Variants in KLF7 observed in about 807,000 individuals in gnomAD.
The protein encoded by KLF7 is KLF transcription factor 7, also known as Krueppel-like factor 7.
Under a neutral mutation model 27.3 loss-of-function variants are expected in KLF7, and 2 were observed. The ratio of observed to expected loss-of-function variants is 0.07; its 90% CI spans 0.03 to 0.23. KLF7 has a LOEUF of 0.23. Among genes scored for constraint, KLF7 ranks in the 10% least tolerant of loss-of-function variants. The probability of loss-of-function intolerance (pLI) is 1.00; values close to 1 mark genes in which losing one functional copy is unlikely to be tolerated. For missense variants in KLF7, 221 were observed against 394.1 expected (o/e 0.56, Z 3.72); for synonymous variants, 165 against 162.4 (o/e 1.02, Z -0.12).
At chr2:207,116,306 A>G (rs1342629140) in intron 2 of KLF7, among the ~76,000 whole-genome samples, 1 of 152,182 alleles carries the variant, frequency 6.6e-6, no homozygotes, top group Non-Finnish European at 1.5e-5. Context: ...CAAGCTGAAT[A>G]TTTTTCAAAG....
At chr2:207,164,397 T>C (rs144138409) in intron 1 of KLF7, among the ~76,000 whole-genome samples, 5 of 152,132 alleles carry the variant, frequency 3.3e-5, no homozygotes, top group Admixed American at 6.5e-5. Context: ...ATCCGGACTG[T>C]CTTCTTGGAC....
chr2:207,117,337 A>C (rs964952434), intron 2 of KLF7, among the ~76,000 whole-genome samples: 1 of 152,230 alleles, frequency 6.6e-6, no homozygotes, highest in Non-Finnish European at 1.5e-5. Context: ...TCTCCCAGCG[A>C]TTGTTTTTCA....
intron 2 of KLF7, among the ~76,000 whole-genome samples, chr2:207,096,900 CT>C (rs1463163913): frequency 6.6e-6 from 1 of 152,240 alleles, no homozygotes; most frequent in Non-Finnish European, 1.5e-5. Context: ...ATCCATCTCT[CT>C]TTCCATAAGC....
chr2:207,086,713 G>C (rs1023120415), intron 3 of KLF7, among the ~76,000 whole-genome samples: 6 of 152,226 alleles, frequency 3.9e-5, no homozygotes. Context: ...CAATAAGTCA[G>C]TTGATTTGAA....
intron 2 of KLF7, among the ~76,000 whole-genome samples, chr2:207,089,772 C>T (rs557820717): frequency 1.3e-5 from 2 of 152,242 alleles, no homozygotes; most frequent in African/African-American, 2.4e-5. Flanking sequence ...TAAATCAATA[C>T]ACATGCATAT....
chr2:207,143,137 C>T (rs1172932118), intron 1 of KLF7, among the ~76,000 whole-genome samples: 1 of 151,920 alleles, frequency 6.6e-6, no homozygotes, highest in Admixed American at 6.6e-5. Context: ...GAGGACAAAA[C>T]CCAAAAAGAT....
intron 3 of KLF7, among the ~76,000 whole-genome samples, chr2:207,082,059 C>T (rs2105847695): frequency 6.6e-6 from 1 of 152,230 alleles, no homozygotes; most frequent in East Asian, 1.9e-4. Context: ...TTCTTGGAAC[C>T]TAAGGCCCAT....
At chr2:207,116,767 A>AACAGAACTCGCCC (rs1206754103) in intron 2 of KLF7, among the ~76,000 whole-genome samples, 1 of 152,126 alleles carries the variant, frequency 6.6e-6, no homozygotes, top group African/African-American at 2.4e-5. Context: ...TTCTCTATCA[A>AACAGAACTCGCCC]ACAGAACTCG....
chr2:207,129,978 T>C (rs2077580365), intron 1 of KLF7, among the ~76,000 whole-genome samples: 1 of 152,214 alleles, frequency 6.6e-6, no homozygotes, highest in African/African-American at 2.4e-5. Context: ...GAGAACAATA[T>C]AAGACATTTG....
intron 1 of KLF7, among the ~76,000 whole-genome samples, chr2:207,135,066 C>T (rs1161696928): frequency 6.6e-6 from 1 of 152,092 alleles, no homozygotes; most frequent in Non-Finnish European, 1.5e-5. Context: ...GGGAAGTAAA[C>T]CTGTTGGATA....
At chr2:207,155,666 A>C (rs2078362512) in intron 1 of KLF7, among the ~76,000 whole-genome samples, 1 of 152,202 alleles carries the variant, frequency 6.6e-6, no homozygotes, top group Non-Finnish European at 1.5e-5. Flanking sequence ...AGGGCTGAAC[A>C]ATCTTGGAAG....
chr2:207,168,565 G>A (rs1321201081), upstream of KLF7, among the ~76,000 whole-genome samples: 2 of 152,146 alleles, frequency 1.3e-5, no homozygotes, highest in African/African-American at 2.4e-5. Context: ...GTCAGTGTGT[G>A]TTTACAAAAA....
chr2:207,144,659 GC>G (rs1190113559), intron 1 of KLF7, among the ~76,000 whole-genome samples: 3 of 152,226 alleles, frequency 2.0e-5, no homozygotes, highest in East Asian at 3.9e-4. Context: ...CGGTCATCCT[GC>G]CACTATCCCC....
In KLF7 at chr2:207,122,824, A is replaced by G. The variant is rs940240540; in HGVS notation, c.733+950T>C. The stretch of plus-strand genomic sequence containing the variant: ...TTTCCCTATTCAGCTCGCAGTGTGC[A>G]AACAGTATGCAAAAACCATACAGGT... On this transcript the variant is annotated intron_variant, in intron 2 of 3. Transcript: ENST00000309446. Among the ~76,000 whole-genome samples, 3 of 152,138 alleles carry G rather than the reference A, an allele frequency of 2.0e-5. No individual in the cohort carries two copies. In the East Asian group the frequency reaches 5.8e-4, roughly 29 times the overall value.
rs527944820 is a variant in KLF7, at chr2:207,099,625, C to T, written c.734-11044G>A. Reference sequence around the variant, plus strand: ...AAAAAAAACCATAAGAAAGGATAATCCAAAAACCACCTAAGATCTGCTTCT... The same window carrying T: ...AAAAAAAACCATAAGAAAGGATAATTCAAAAACCACCTAAGATCTGCTTCT... On this transcript the variant is annotated intron_variant, in intron 2 of 3. Coordinates refer to ENST00000309446, the MANE Select transcript of KLF7 (RefSeq NM_003709.4). 1.4e-3 allele frequency among the ~76,000 whole-genome samples: 139 copies of T among 101,726 alleles called. 1 individual carries two copies. The highest frequency in any genetic ancestry group is 7.4e-3 in the Admixed American group (75 of 10,092). The allele number at this position is 101,726 out of a possible 152,430, so 66.7% of individuals were successfully genotyped here. A position where few individuals can be genotyped will look rare whatever the true frequency, so the allele number is the denominator to read the frequency against.
intron 1 of KLF7, among the ~76,000 whole-genome samples, chr2:207,165,228 G>T (rs1179996381): frequency 6.6e-6 from 1 of 152,122 alleles, no homozygotes; most frequent in Admixed American, 6.5e-5. Flanking sequence ...GTGTGTTGGC[G>T]ACTGAAACGC....
chr2:207,111,388 G>A (rs147332677), intron 2 of KLF7, among the ~76,000 whole-genome samples: 1 of 152,296 alleles, frequency 6.6e-6, no homozygotes, highest in African/African-American at 2.4e-5. Context: ...CCAGCTACAG[G>A]CTGAGAGGGG....
chr2:207,114,641 A>T lies in KLF7; in HGVS notation c.733+9133T>A, dbSNP rs560107858. Among the ~76,000 whole-genome samples the T allele has an allele frequency of 1.7e-4, 26 of 152,216 alleles. 1 individual carries two copies. In the South Asian group the frequency reaches 5.4e-3, roughly 32 times the overall value. ...GGGCAACTGCTAGACTCCTAGAACC[A>T]CTCTCATTTAACATTGGCTTCAATA... On this transcript the variant is annotated intron_variant, in intron 2 of 3. Transcript: ENST00000309446.
chr2:207,167,850 T>G (rs533544286), upstream of KLF7, among the ~76,000 whole-genome samples: 2 of 152,362 alleles, frequency 1.3e-5, no homozygotes, highest in South Asian at 4.1e-4. Flanking sequence ...GTAACTCACC[T>G]AGCATAGTAT....
Sources: allele counts gnomAD v4.1 joint callset (sites outside exome capture counted in the v4.1 genomes callset), GRCh38; gene constraint gnomAD v4.1.1; transcripts MANE v1.5; gene names NCBI Gene and HGNC (gene_info 2026-07-23, HGNC 2026-07-21).